The following RCN2 variants were observed in gnomAD, a reference collection of about 807,000 sequenced individuals.
RCN2 encodes reticulocalbin 2.
A neutral mutation model predicts 37.5 loss-of-function variants in RCN2; 23 were observed. The ratio of observed to expected loss-of-function variants is 0.61; its 90% confidence interval spans 0.44 to 0.87. The LOEUF is 0.87. Ranked by LOEUF, RCN2 falls within the 40% of genes least tolerant of loss-of-function variation. RCN2 has a pLI of 0.00. For missense variants in RCN2, 381 were observed against 390.4 expected (o/e 0.98, Z 0.20); for synonymous variants, 140 against 144.6 (o/e 0.97, Z 0.23).
At chr15:76,932,271 A>T (rs762848742) in intron 1 of RCN2, 90 bp from the exon 2 acceptor site, 185 of 1,032,574 alleles carry the variant, frequency 1.8e-4, no homozygotes, top group Non-Finnish European at 2.5e-4. Flanking sequence ...CCCTTTGGCA[A>T]GGGGGTCTTC....
At position 76,943,770 on chromosome 15, in the gene RCN2, G is replaced by A; in HGVS notation, c.460G>A (p.Asp154Asn). ...TTAATTTTCAAAGCTTCACTTAAAG[G>A]ACAAGAAGCGATTTGAAAAAGCTAA... ...EESFRKLHLK[D>N]KKRFEKANQD... The change falls in exon 4 of 7, where the codon GAC becomes AAC. Residue 154 changes from aspartate to asparagine, a missense_variant. Coordinates refer to ENST00000394885, the MANE Select transcript of RCN2 (RefSeq NM_002902.3). The A allele has an allele frequency of 6.3e-7, 1 of 1,599,128 alleles. No individual in the cohort carries two copies. The highest frequency in any genetic ancestry group is 8.6e-7 in the Non-Finnish European group (1 of 1,168,298).
chr15:76,947,761 C>A, intron 5 of RCN2: 2 of 403,206 alleles, frequency 5.0e-6, no homozygotes, highest in South Asian at 3.6e-5. Flanking sequence ...TCAAACAAAT[C>A]TAATTTTATT....
chr15:76,933,174 G>T (rs545639954), intron 2 of RCN2, among the ~76,000 whole-genome samples: 5 of 152,278 alleles, frequency 3.3e-5, no homozygotes, highest in African/African-American at 1.2e-4. Flanking sequence ...CTGTGCAGTT[G>T]TCTCTCCCCA....
chr15:76,944,786 C>T (rs983355362), intron 4 of RCN2, among the ~76,000 whole-genome samples: 4 of 152,166 alleles, frequency 2.6e-5, no homozygotes, highest in African/African-American at 4.8e-5. Context: ...TGTTGATGTA[C>T]GCTTGGGTTG....
chr15:76,941,894 A>T (rs966131825), intron 3 of RCN2: 10 of 387,336 alleles, frequency 2.6e-5, no homozygotes, highest in Non-Finnish European at 4.1e-5. Context: ...TTCATAAGGA[A>T]ATCAAAGCAC....
At chr15:76,946,341 G>A (rs2075296662) in intron 4 of RCN2, among the ~76,000 whole-genome samples, 1 of 151,998 alleles carries the variant, frequency 6.6e-6, no homozygotes, top group South Asian at 2.1e-4. Flanking sequence ...CTAGCTACTT[G>A]GGAGACTGAG....
rs1238490638 is a variant in RCN2, at chr15:76,954,165, A to G, written c.*4943A>G. The G allele has an allele frequency of 2.0e-5, 3 of 150,386 alleles. No individual in the cohort carries two copies. The highest frequency in any genetic ancestry group is 7.4e-5 in the African/African-American group (3 of 40,736). The allele number at this position is 150,386 out of a possible 1,614,324, so 9.3% of individuals were successfully genotyped here. ...TCTACAGTTTTGCCTGTTCCAGAAT[A>G]TCATTCCTTTGCAATTTAAATGTGA... On this transcript the variant is annotated 3_prime_UTR_variant, in exon 7 of 7. Transcript: ENST00000394885.
Position 76,947,474 on chromosome 15 carries a change from TGTTA to T in RCN2, c.619_622del (p.Ser207TrpfsTer29). 1 of 1,610,456 alleles carries T rather than the reference TGTTA, an allele frequency of 6.2e-7. No homozygotes were observed. The highest frequency in any genetic ancestry group is 8.5e-7 in the Non-Finnish European group (1 of 1,178,394). Reference sequence around the variant, plus strand: ...AACATGACAAAAATGGTGATGGATTTGTTAGTTTGGAAGAATTTCTTGGTGATTA... The same window carrying T: ...AACATGACAAAAATGGTGATGGATTTGTTTGGAAGAATTTCTTGGTGATTA... On this transcript the variant is annotated frameshift_variant, in exon 5 of 7. Transcript: ENST00000394885.
intron 2 of RCN2, among the ~76,000 whole-genome samples, chr15:76,934,318 A>G (rs1421175170): frequency 1.3e-5 from 2 of 151,538 alleles, no homozygotes; most frequent in Admixed American, 6.6e-5. Flanking sequence ...TAATTTTTGT[A>G]TTTTTAGTAG....
At chr15:76,944,967 G>T in intron 4 of RCN2, among the ~76,000 whole-genome samples, 1 of 152,200 alleles carries the variant, frequency 6.6e-6, no homozygotes, top group East Asian at 1.9e-4. Flanking sequence ...GTTCTCCATA[G>T]TGGTTGTATG....
chr15:76,938,810 C>T (rs1176658711), intron 3 of RCN2: 1 of 453,338 alleles, frequency 2.2e-6, no homozygotes, highest in South Asian at 1.6e-5. Context: ...GGTTGTGTAA[C>T]TTTGGGCAAG....
Position 76,936,356 on chromosome 15 carries a change from T to C in RCN2, c.447+634T>C, listed in dbSNP as rs888387108. Among the ~76,000 whole-genome samples, 13 of 151,862 alleles carry C rather than the reference T, an allele frequency of 8.6e-5. No homozygotes were observed. The East Asian group carries it at 2.3e-3, about 27-fold the overall frequency. Reference sequence around the variant, plus strand: ...TTTTTGGCACCAGGGACCAGTTTCATGGAAGACAATTTTTCCACGGGACAG... The same window carrying C: ...TTTTTGGCACCAGGGACCAGTTTCACGGAAGACAATTTTTCCACGGGACAG... On this transcript the variant is annotated intron_variant, in intron 3 of 6. Transcript: ENST00000394885.
chr15:76,944,459 A>G (rs2075289000), intron 4 of RCN2, among the ~76,000 whole-genome samples: 1 of 152,126 alleles, frequency 6.6e-6, no homozygotes, highest in African/African-American at 2.4e-5. Flanking sequence ...CTGTCAAATA[A>G]TAGATCTTAT....
Position 76,950,141 on chromosome 15 carries a change from T to C in RCN2, c.*919T>C, listed in dbSNP as rs1308928565. ...GGTGTTGTAGCAAATGTGGTTTTGCTCTTTGGGGCTATAAATAATCTTGAG... is the reference window on the plus strand; with the variant it reads ...GGTGTTGTAGCAAATGTGGTTTTGCCCTTTGGGGCTATAAATAATCTTGAG... On this transcript the variant is annotated 3_prime_UTR_variant, in exon 7 of 7. Coordinates refer to ENST00000394885, the MANE Select transcript of RCN2 (RefSeq NM_002902.3). The C allele has an allele frequency of 6.6e-6, 1 of 152,160 alleles. No homozygotes were observed. Among genetic ancestry groups the C allele is most frequent in the Admixed American group, 6.5e-5 (1 of 15,278 alleles). The allele number at this position is 152,160 out of a possible 1,614,324, so 9.4% of individuals were successfully genotyped here.
At chr15:76,932,332 G>T (rs1469670537) in intron 1 of RCN2, 29 bp from the exon 2 acceptor site, 2 of 1,538,284 alleles carry the variant, frequency 1.3e-6, no homozygotes, top group East Asian at 2.3e-5. Context: ...GTAATGCTTG[G>T]CCCTCCTGTG....
chr15:76,943,805 AGGT>A lies in RCN2; in HGVS notation c.496_498del (p.Gly166del). ...GATTTGAAAAAGCTAACCAGGATTC[AGGT>A]CCCGGTTTGAGTCTTGAAGAATTTA... On this transcript the variant is annotated inframe_deletion, in exon 4 of 7. Coordinates refer to ENST00000394885, the MANE Select transcript of RCN2 (RefSeq NM_002902.3). The A allele has an allele frequency of 6.2e-7, 1 of 1,609,420 alleles. No homozygotes were observed. The highest frequency in any genetic ancestry group is 1.3e-5 in the African/African-American group (1 of 74,864).
At chr15:76,940,345 G>C (rs1275342716) in intron 3 of RCN2, among the ~76,000 whole-genome samples, 1 of 151,222 alleles carries the variant, frequency 6.6e-6, no homozygotes, top group Non-Finnish European at 1.5e-5. Context: ...GGAGTGTAAA[G>C]ATGAACCCAG....
chr15:76,934,392 T>G (rs1047180644), intron 2 of RCN2, among the ~76,000 whole-genome samples: 2 of 152,206 alleles, frequency 1.3e-5, no homozygotes, highest in Admixed American at 6.5e-5. Context: ...TCCGCCTGCC[T>G]CAGCCTCCCA....
At position 76,935,478 on chromosome 15, in the gene RCN2, G is replaced by C. The variant is rs775069892; in HGVS notation, c.251-48G>C. ...AAGGTTTGGAAATCCTTACTCTTAA[G>C]TATCAGAATTAACGTCACATGCGTT... On this transcript the variant is annotated intron_variant, in intron 2 of 6. Transcript: ENST00000394885. 2.8e-6 allele frequency: 4 copies of C among 1,428,014 alleles called. No individual in the cohort carries two copies. In the African/African-American group the frequency reaches 5.7e-5, roughly 20 times the overall value. The allele number at this position is 1,428,014 out of a possible 1,614,324, so 88.5% of individuals were successfully genotyped here. A position where few individuals can be genotyped will look rare whatever the true frequency, so the allele number is the denominator to read the frequency against.
Sources: allele counts gnomAD v4.1 joint callset (sites outside exome capture counted in the v4.1 genomes callset), GRCh38; gene constraint gnomAD v4.1.1; transcripts MANE v1.5; gene names NCBI Gene and HGNC (gene_info 2026-07-23, HGNC 2026-07-21).